Variants in KHDRBS2 observed in about 807,000 individuals in gnomAD.
KHDRBS2 encodes the protein KH RNA binding domain containing, signal transduction associated 2.
In KHDRBS2, 26 loss-of-function variants were observed where a neutral mutation model predicts 44.3. The ratio of observed to expected loss-of-function variants is 0.59; its 90% CI spans 0.43 to 0.81. The LOEUF (loss-of-function observed/expected upper bound fraction) is 0.81, where lower values mean the gene tolerates loss of function less well. KHDRBS2 is among the 40% of genes least tolerant of loss of function. The probability of loss-of-function intolerance (pLI) is 0.00; values close to 1 mark genes in which losing one functional copy is unlikely to be tolerated. For synonymous variants in KHDRBS2, 194 were observed against 151.1 expected (o/e 1.28, Z -2.08); for missense variants, 476 against 433.1 (o/e 1.10, Z -0.88).
intron 2 of KHDRBS2, among the ~76,000 whole-genome samples, chr6:62,171,104 A>C (rs1272324956): frequency 6.6e-6 from 1 of 152,140 alleles, no homozygotes; most frequent in Non-Finnish European, 1.5e-5. Flanking sequence ...GTTCCCCAAC[A>C]ATGGTTCTTA....
At chr6:61,659,672 T>C in the KHDRBS2 span, among the ~76,000 whole-genome samples, 1 of 151,840 alleles carries the variant, frequency 6.6e-6, no homozygotes, top group Admixed American at 6.6e-5. Flanking sequence ...CTTATAAAAA[T>C]ATAGTTACAA....
At chr6:61,935,913 A>C (rs571522189) in intron 4 of KHDRBS2, among the ~76,000 whole-genome samples, 1 of 152,120 alleles carries the variant, frequency 6.6e-6, no homozygotes, top group African/African-American at 2.4e-5. Context: ...TTATACAATA[A>C]TAATGTTAAA....
chr6:61,835,483 A>G (rs1792499945), intron 6 of KHDRBS2, among the ~76,000 whole-genome samples: 1 of 151,954 alleles, frequency 6.6e-6, no homozygotes. Context: ...GCCATTTCAC[A>G]GTGCCACTGC....
At chr6:61,725,617 C>A (rs892331741) in intron 7 of KHDRBS2, among the ~76,000 whole-genome samples, 1 of 152,118 alleles carries the variant, frequency 6.6e-6, no homozygotes, top group African/African-American at 2.4e-5. Context: ...GGGATATCAC[C>A]ACTGACCCCA....
At chr6:61,772,309 T>G (rs1269475723) in intron 6 of KHDRBS2, among the ~76,000 whole-genome samples, 1 of 151,832 alleles carries the variant, frequency 6.6e-6, no homozygotes, top group Non-Finnish European at 1.5e-5. Context: ...AGGCAAGAAA[T>G]AACTAAGATC....
chr6:61,745,520 C>G (rs1382389547), intron 6 of KHDRBS2, among the ~76,000 whole-genome samples: 1 of 152,034 alleles, frequency 6.6e-6, no homozygotes, highest in African/African-American at 2.4e-5. Context: ...AGGATAGAAC[C>G]CAAAGCAAAT....
chr6:62,199,928 C>T (rs1826563830), intron 1 of KHDRBS2, among the ~76,000 whole-genome samples: 1 of 152,114 alleles, frequency 6.6e-6, no homozygotes, highest in Non-Finnish European at 1.5e-5. Context: ...AGAAATAATG[C>T]CACATATCTA....
intron 1 of KHDRBS2, among the ~76,000 whole-genome samples, chr6:62,207,639 G>C (rs1563064689): frequency 6.6e-6 from 1 of 152,136 alleles, no homozygotes; most frequent in African/African-American, 2.4e-5. Context: ...TTTACTGTTA[G>C]CTAAGTGATA....
At chr6:61,776,524 A>G (rs1285021703) in intron 6 of KHDRBS2, among the ~76,000 whole-genome samples, 1 of 152,214 alleles carries the variant, frequency 6.6e-6, no homozygotes, top group African/African-American at 2.4e-5. Flanking sequence ...GCAGCAAAAG[A>G]ACACATGAAA....
chr6:62,211,634 G>A (rs114134274), intron 1 of KHDRBS2, among the ~76,000 whole-genome samples: 5,542 of 152,202 alleles, frequency 0.036, 115 homozygotes, highest in Non-Finnish European at 0.057. Flanking sequence ...TTAAGTTCAG[G>A]AATACATGTG....
intron 6 of KHDRBS2, among the ~76,000 whole-genome samples, chr6:61,817,898 C>T (rs1475767583): frequency 2.0e-5 from 3 of 151,982 alleles, no homozygotes; most frequent in Non-Finnish European, 4.4e-5. Flanking sequence ...GGTGACAGGC[C>T]AGACTTTCTG....
In KHDRBS2 at chr6:61,851,958, A is replaced by G. The variant is rs532904632; in HGVS notation, c.810+42677T>C. On this transcript the variant is annotated intron_variant, in intron 6 of 8. Transcript: ENST00000281156. ...TAAACCAGGCTGGGTGCAGTGGCTC[A>G]TGGCTGTAATCCCAGCACTTTGGGA... Among the ~76,000 whole-genome samples, 242 of 152,330 alleles carry G rather than the reference A, an allele frequency of 1.6e-3. 8 individuals are homozygous for G. The South Asian group carries it at 0.046, about 29-fold the overall frequency.
At chr6:61,718,302 A>C (rs1311075067) in intron 7 of KHDRBS2, among the ~76,000 whole-genome samples, 2 of 152,082 alleles carry the variant, frequency 1.3e-5, no homozygotes, top group East Asian at 1.9e-4. Context: ...ATGTATATTC[A>C]CTGTATATTC....
chr6:61,702,672 C>T (rs1175393118), intron 7 of KHDRBS2, among the ~76,000 whole-genome samples: 3 of 151,696 alleles, frequency 2.0e-5, no homozygotes, highest in Admixed American at 6.6e-5. Flanking sequence ...TATGCTTTAG[C>T]GGGATGTCCA....
chr6:62,260,835 C>T (rs1585480730), intron 1 of KHDRBS2, among the ~76,000 whole-genome samples: 1 of 151,724 alleles, frequency 6.6e-6, no homozygotes, highest in South Asian at 2.1e-4. Flanking sequence ...ATGCACAATA[C>T]CTAAATAAAA....
At chr6:61,752,669 T>C (rs375040389) in intron 6 of KHDRBS2, among the ~76,000 whole-genome samples, 1 of 13,810 alleles carries the variant, frequency 7.2e-5, no homozygotes, top group South Asian at 1.4e-3. Flanking sequence ...GATTGTGGTA[T>C]ACAAAAAAAA....
At chr6:61,925,472 T>A (rs1384425514) in intron 4 of KHDRBS2, among the ~76,000 whole-genome samples, 4 of 152,090 alleles carry the variant, frequency 2.6e-5, no homozygotes, top group African/African-American at 9.7e-5. Flanking sequence ...TTCCAGCACT[T>A]TGGGAGGCCA....
intron 6 of KHDRBS2, among the ~76,000 whole-genome samples, chr6:61,889,601 T>C (rs1262658463): frequency 9.6e-5 from 1 of 10,422 alleles, no homozygotes; most frequent in Non-Finnish European, 1.8e-4. Flanking sequence ...TGTCATGGGG[T>C]GGGTGGGGGG....
Position 62,277,737 on chromosome 6 carries a change from T to C in KHDRBS2, c.91+8121A>G, listed in dbSNP as rs1324671109. 2.6e-5 allele frequency among the ~76,000 whole-genome samples: 4 copies of C among 152,188 alleles called. No homozygotes were observed. The East Asian group carries it at 5.8e-4, about 22-fold the overall frequency. ...GTCTGATGGAATTAATCCTCCAAAC[T>C]ATAACTAAAATATAAGGTAAATAGC... is the stretch of plus-strand genomic sequence containing the variant. On this transcript the variant is annotated intron_variant, in intron 1 of 8. Transcript: ENST00000281156.
Sources: gnomAD v4.1 joint callset for allele counts (sites outside exome capture counted in the v4.1 genomes callset) on GRCh38, gnomAD v4.1.1 for gene constraint, MANE v1.5 for transcripts, NCBI Gene and HGNC (gene_info 2026-07-23, HGNC 2026-07-21) for gene names.